The following SLC14A2 variants were observed in gnomAD, a reference collection of about 807,000 sequenced individuals.
The protein encoded by SLC14A2 is solute carrier family 14 member 2.
In SLC14A2, 91 loss-of-function variants were observed where a neutral mutation model predicts 104.6. That is an observed-to-expected ratio of 0.87 (90% CI 0.73 to 1.04). The LOEUF (loss-of-function observed/expected upper bound fraction) is 1.04, where lower values mean the gene tolerates loss of function less well. Ranked by LOEUF, SLC14A2 falls within the 50% of genes least tolerant of loss-of-function variation. The pLI, the probability that SLC14A2 is intolerant of heterozygous loss-of-function variation, is 0.00. For synonymous variants in SLC14A2, 476 were observed against 466.4 expected, an observed-to-expected ratio of 1.02 and a Z score of -0.27; for missense variants, 1,189 against 1,156.0, an observed-to-expected ratio of 1.03 and a Z score of -0.41.
chr18:45,630,923 T>G (rs573394755), intron 4 of SLC14A2, among the ~76,000 whole-genome samples: 1 of 152,150 alleles, frequency 6.6e-6, no homozygotes, highest in Non-Finnish European at 1.5e-5. Context: ...TGTCTAGATA[T>G]GCTCTCTCCT....
rs200271712 is a variant in SLC14A2, at chr18:45,663,907, G to A, written c.1474G>A (p.Val492Met). ...GTCATCCATTCGGAGGAGGAGCAAA[G>A]GTGTGCATGTCCTCCCCCTCACGCT... ...EWSSIRRRSK[V>M]FGKGEHQERQ... Residue 492 changes from valine to methionine, a missense_variant and splice_region_variant, in exon 11 of 20, where the codon GTG becomes ATG. By Grantham distance (21) the Val-to-Met change is conservative. Transcript: ENST00000255226. The A allele has an allele frequency of 2.5e-6, 4 of 1,611,038 alleles. No individual in the cohort carries two copies. Among genetic ancestry groups the A allele is most frequent in the Non-Finnish European group, 3.4e-6 (4 of 1,178,752 alleles).
chr18:45,450,537 C>G (rs577452432), intron 1 of SLC14A2, among the ~76,000 whole-genome samples: 1 of 152,282 alleles, frequency 6.6e-6, no homozygotes, highest in Admixed American at 6.5e-5. Context: ...ATCACAAATA[C>G]AGATTAGTGA....
At chr18:45,441,617 G>A (rs571967062) in intron 1 of SLC14A2, among the ~76,000 whole-genome samples, 1 of 152,318 alleles carries the variant, frequency 6.6e-6, no homozygotes, top group East Asian at 1.9e-4. Flanking sequence ...GCATGCACAC[G>A]TGCACGCATG....
chr18:45,537,679 G>A (rs949996449), intron 2 of SLC14A2, among the ~76,000 whole-genome samples: 1 of 152,184 alleles, frequency 6.6e-6, no homozygotes, highest in African/African-American at 2.4e-5. Context: ...ACCTACATTT[G>A]GTTGGGATCA....
chr18:45,539,876 G>GA (rs200649863), intron 2 of SLC14A2, among the ~76,000 whole-genome samples: 74 of 120,438 alleles, frequency 6.1e-4, no homozygotes, highest in Middle Eastern at 4.2e-3. Flanking sequence ...ATGACAGAAA[G>GA]AAAAAAAATG....
At chr18:45,226,814 T>C (rs1467697380) in intron 1 of SLC14A2, among the ~76,000 whole-genome samples, 1 of 151,974 alleles carries the variant, frequency 6.6e-6, no homozygotes, top group African/African-American at 2.4e-5. Flanking sequence ...ATAATAATAA[T>C]AATAAAATAA....
intron 1 of SLC14A2, among the ~76,000 whole-genome samples, chr18:45,461,507 C>A (rs957504817): frequency 6.6e-6 from 1 of 152,204 alleles, no homozygotes; most frequent in Non-Finnish European, 1.5e-5. Flanking sequence ...GAACAAAGCT[C>A]TGGGACCTGT....
At chr18:45,240,009 A>G (rs1255338258) in intron 1 of SLC14A2, among the ~76,000 whole-genome samples, 3 of 151,298 alleles carry the variant, frequency 2.0e-5, no homozygotes, top group Non-Finnish European at 2.9e-5. Context: ...TTCTTTACTC[A>G]TTCATCAGTG....
intron 1 of SLC14A2, among the ~76,000 whole-genome samples, chr18:45,342,080 G>C (rs1352823584): frequency 1.3e-5 from 2 of 152,040 alleles, no homozygotes; most frequent in Non-Finnish European, 2.9e-5. Context: ...GTATTGATTG[G>C]TTGATAAAAA....
At chr18:45,266,591 T>C (rs898997786) in intron 1 of SLC14A2, among the ~76,000 whole-genome samples, 1 of 152,190 alleles carries the variant, frequency 6.6e-6, no homozygotes, top group Admixed American at 6.5e-5. Context: ...AATCAAGTTG[T>C]TGATACTTTC....
intron 2 of SLC14A2, among the ~76,000 whole-genome samples, chr18:45,534,898 G>C (rs571102582): frequency 6.6e-6 from 1 of 152,264 alleles, no homozygotes; most frequent in South Asian, 2.1e-4. Context: ...TGTAGTCACT[G>C]ATGGGAAGAA....
intron 4 of SLC14A2, among the ~76,000 whole-genome samples, chr18:45,630,901 C>T (rs540203820): frequency 1.1e-4 from 17 of 152,278 alleles, no homozygotes; most frequent in African/African-American, 4.1e-4. Flanking sequence ...CTACAGCTTT[C>T]TTGCAGGAAG....
At chr18:45,270,868 T>A (rs567868579) in intron 1 of SLC14A2, among the ~76,000 whole-genome samples, 2 of 152,258 alleles carry the variant, frequency 1.3e-5, no homozygotes, top group South Asian at 2.1e-4. Flanking sequence ...TACAACTAGA[T>A]CTTGGGCTTC....
the SLC14A2 span, among the ~76,000 whole-genome samples, chr18:45,200,944 C>G: frequency 6.6e-6 from 1 of 151,962 alleles, no homozygotes; most frequent in Non-Finnish European, 1.5e-5. Context: ...CTTCTAGGAT[C>G]CTATCCAGGG....
At chr18:45,557,348 A>G (rs960007912) in intron 2 of SLC14A2, among the ~76,000 whole-genome samples, 15 of 152,186 alleles carry the variant, frequency 9.9e-5, no homozygotes, top group Non-Finnish European at 2.1e-4. Flanking sequence ...TCAGTCGCCA[A>G]TGCGTCTCTT....
the SLC14A2 span, among the ~76,000 whole-genome samples, chr18:45,182,804 C>T: frequency 6.6e-6 from 1 of 152,044 alleles, no homozygotes; most frequent in South Asian, 2.1e-4. Context: ...GAGAAATATG[C>T]TACATTTGTA....
upstream of SLC14A2, among the ~76,000 whole-genome samples, chr18:45,211,355 C>T (rs183414048): frequency 6.6e-6 from 1 of 152,232 alleles, no homozygotes; most frequent in Admixed American, 6.5e-5. Flanking sequence ...GGAAAACTAA[C>T]CAATCTTAGA....
At chr18:45,673,609 T>C (rs2046177522) in intron 17 of SLC14A2, 74 bp from the exon 18 acceptor site, 1 of 1,534,148 alleles carries the variant, frequency 6.5e-7, no homozygotes, top group South Asian at 1.2e-5. Context: ...TTGAGGACTG[T>C]GGTAGGTTTC....
At chr18:45,295,219 A>T (rs2084907462) in intron 1 of SLC14A2, among the ~76,000 whole-genome samples, 1 of 152,108 alleles carries the variant, frequency 6.6e-6, no homozygotes, top group South Asian at 2.1e-4. Context: ...TAGACCAATG[A>T]TGGGTTATTT....
Sources: allele counts gnomAD v4.1 joint callset (sites outside exome capture counted in the v4.1 genomes callset), GRCh38; gene constraint gnomAD v4.1.1; transcripts MANE v1.5; gene names NCBI Gene and HGNC (gene_info 2026-07-23, HGNC 2026-07-21).